STUM: variants seen among roughly 807,000 people sequenced by gnomAD.
STUM encodes the protein stum, mechanosensory transduction mediator homolog.
STUM carries 8 observed loss-of-function variants against 15.3 expected under a neutral mutation model. The observed-to-expected ratio is 0.52, with a 90% CI of 0.31 to 0.94. The LOEUF is 0.94. STUM is among the 40% of genes least tolerant of loss of function. The pLI is 0.05. For synonymous variants in STUM, 78 were observed against 88.7 expected, an observed-to-expected ratio of 0.88 and a Z score of 0.68; for missense variants, 142 against 204.9, an observed-to-expected ratio of 0.69 and a Z score of 1.87.
Position 226,565,710 on chromosome 1 carries a change from C to G in STUM, c.202+16604C>G, listed in dbSNP as rs568708330. The stretch of plus-strand genomic sequence containing the variant: ...CCTGCCTGGGTAGTTCTGCATACCC[C>G]CCATCCTCCCGTCTCTCGCCCACGC... On this transcript the variant is annotated intron_variant, in intron 1 of 3. Transcript: ENST00000366788. The surrounding 1 kb of genome is among the most constrained non-coding windows in gnomAD (Gnocchi z 4.4). Among the ~76,000 whole-genome samples the G allele has an allele frequency of 4.1e-4, 63 of 152,236 alleles. No individual in the cohort carries two copies. Among genetic ancestry groups the G allele is most frequent in the Non-Finnish European group, 7.1e-4 (48 of 68,002 alleles).
intron 1 of STUM, among the ~76,000 whole-genome samples, chr1:226,584,328 T>C (rs1667963931): frequency 6.6e-6 from 1 of 152,194 alleles, no homozygotes; most frequent in Non-Finnish European, 1.5e-5. Flanking sequence ...AGTATGCAGC[T>C]GAAGATGCAG....
rs147856644 is a variant in STUM at position 226,588,273 on chromosome 1, G to T, written c.203-8529G>T. The stretch of plus-strand genomic sequence containing the variant: ...GAAGACACAGCCCCTCCGCAGACCT[G>T]CTCAGCTTCGAACCCTGCGCTGATA... On this transcript the variant is annotated intron_variant, in intron 1 of 3. Coordinates refer to ENST00000366788, the MANE Select transcript of STUM (RefSeq NM_001003665.4). Among the ~76,000 whole-genome samples, 587 of 152,288 alleles carry T rather than the reference G, an allele frequency of 3.9e-3. 4 individuals are homozygous for T. The highest frequency in any genetic ancestry group is 0.01 in the Middle Eastern group (3 of 294).
chr1:226,587,403 T>C (rs962201179), intron 1 of STUM, among the ~76,000 whole-genome samples: 1 of 151,944 alleles, frequency 6.6e-6, no homozygotes, highest in African/African-American at 2.4e-5. Flanking sequence ...TTTATGCCAG[T>C]TGGAAAATCA....
intron 1 of STUM, among the ~76,000 whole-genome samples, chr1:226,575,193 T>C (rs1334210002): frequency 6.6e-6 from 1 of 152,196 alleles, no homozygotes; most frequent in African/African-American, 2.4e-5. Context: ...TGACCACTGC[T>C]CTGCACCTCA....
At chr1:226,597,091 G>T (rs1487486179) in intron 2 of STUM, 110 bp downstream of exon 2, 6 of 1,080,862 alleles carry the variant, frequency 5.6e-6, no homozygotes, top group Non-Finnish European at 8.5e-6. Flanking sequence ...GCTAAGCACG[G>T]GCTCTGGAGA....
chr1:226,587,007 T>G (rs1007516856), intron 1 of STUM, among the ~76,000 whole-genome samples: 1 of 152,176 alleles, frequency 6.6e-6, no homozygotes, highest in Non-Finnish European at 1.5e-5. Context: ...GTTAGGGAAC[T>G]GAGAAATTCC....
rs569278591 is a variant in STUM at position 226,551,217 on chromosome 1, G to A, written c.202+2111G>A. The stretch of plus-strand genomic sequence containing the variant: ...AAGTCAGGCACACCTGTCTCTTGGC[G>A]TTGCTGAGAGGATGAAACGTGATTA... On this transcript the variant is annotated intron_variant, in intron 1 of 3. Transcript: ENST00000366788. 1.1e-4 allele frequency among the ~76,000 whole-genome samples: 16 copies of A among 152,248 alleles called. No individual in the cohort carries two copies. The South Asian group carries it at 2.5e-3, about 24-fold the overall frequency.
rs779822024 is a variant in STUM, at chr1:226,602,016, G to A, written c.402G>A (p.Glu134=). Residue 134 remains glutamate (E), a synonymous_variant, in exon 4 of 4, where the codon GAG becomes GAA. Transcript: ENST00000366788. ...GCTTCTTCCTCACAGGCTACAAGGA[G>A]CAGGGCATCCCACAGCAGCTGTGAG... The part of the protein sequence containing the change: ...VILAISQGYK[E]QGIPQQL 1.9e-6 allele frequency: 3 copies of A among 1,609,208 alleles called. No homozygotes were observed. The highest frequency in any genetic ancestry group is 2.5e-6 in the Non-Finnish European group (3 of 1,179,884).
intron 1 of STUM, among the ~76,000 whole-genome samples, chr1:226,574,800 G>A (rs1225461845): frequency 3.3e-5 from 5 of 152,144 alleles, no homozygotes; most frequent in Non-Finnish European, 7.4e-5. Flanking sequence ...TCTCAGAGTG[G>A]AGACAGCTTT....
At chr1:226,560,095 C>T (rs550695256) in intron 1 of STUM, among the ~76,000 whole-genome samples, 6 of 152,268 alleles carry the variant, frequency 3.9e-5, no homozygotes, top group African/African-American at 7.2e-5. Flanking sequence ...GCTGAGATCA[C>T]GCCACCACAC....
chr1:226,571,030 A>C (rs1365805358), intron 1 of STUM, among the ~76,000 whole-genome samples: 3 of 152,152 alleles, frequency 2.0e-5, no homozygotes, highest in Non-Finnish European at 2.9e-5. Context: ...AAGGAGTTTG[A>C]GACCAGCCTG....
intron 2 of STUM, among the ~76,000 whole-genome samples, chr1:226,598,348 C>T (rs988246571): frequency 2.0e-5 from 3 of 152,140 alleles, no homozygotes; most frequent in Non-Finnish European, 2.9e-5. Flanking sequence ...CAAGATGAGC[C>T]CCTCTTACTG....
Position 226,604,735 on chromosome 1 carries a change from G to A in STUM, c.*2695G>A. The A allele has an allele frequency of 6.6e-6, 1 of 152,366 alleles. No individual in the cohort carries two copies. 9.4% of individuals were successfully genotyped at this position (152,366 alleles called of 1,614,324 possible). ...ACACAGCCCTTTGGTGACAAAGCTG[G>A]GCTTTGCCTGCATAGTGCAGACAAG... On this transcript the variant is annotated 3_prime_UTR_variant, in exon 4 of 4. Transcript: ENST00000366788. The surrounding 1 kb of genome is among the most constrained non-coding windows in gnomAD (Gnocchi z 4.7).
In STUM at chr1:226,548,806, G is replaced by C. The variant is rs1000959955; in HGVS notation, c.-99G>C. The stretch of plus-strand genomic sequence containing the variant: ...CGGAGCACGGCGGCCGCCTGAGCTC[G>C]GCGCGGAGCCCGGAGCCCGCAGCCG... On this transcript the variant is annotated 5_prime_UTR_variant, in exon 1 of 4. Transcript: ENST00000366788. 6 of 1,040,678 alleles carry C rather than the reference G, an allele frequency of 5.8e-6. No individual in the cohort carries two copies. The highest frequency in any genetic ancestry group is 4.4e-5 in the South Asian group (1 of 22,738). 64.5% of individuals were successfully genotyped at this position (1,040,678 alleles called of 1,614,324 possible). A position where few individuals can be genotyped will look rare whatever the true frequency, so the allele number is the denominator to read the frequency against.
At chr1:226,556,768 A>T (rs1363239778) in intron 1 of STUM, among the ~76,000 whole-genome samples, 1 of 152,178 alleles carries the variant, frequency 6.6e-6, no homozygotes, top group Non-Finnish European at 1.5e-5. Context: ...ATGCCCTGTT[A>T]ACTGTAAAGC....
rs1006150285 is a variant in STUM at position 226,567,926 on chromosome 1, C to T, written c.202+18820C>T. 9.2e-5 allele frequency among the ~76,000 whole-genome samples: 14 copies of T among 152,268 alleles called. No homozygotes were observed. The East Asian group carries it at 1.4e-3, about 15-fold the overall frequency. On this transcript the variant is annotated intron_variant, in intron 1 of 3. Coordinates refer to ENST00000366788, the MANE Select transcript of STUM (RefSeq NM_001003665.4). The surrounding 1 kb of genome is among the most constrained non-coding windows in gnomAD (Gnocchi z 4.5). ...TGTCAGAAATGCGAACAGGGCACCC[C>T]GAGGAGGAGGTACCAGACTACCTGT...
intron 1 of STUM, among the ~76,000 whole-genome samples, chr1:226,588,133 G>A (rs972405489): frequency 2.0e-5 from 3 of 152,178 alleles, no homozygotes; most frequent in African/African-American, 7.2e-5. Flanking sequence ...ATTCCAGATC[G>A]GTTTTATGTT....
chr1:226,549,322 G>C lies in STUM; in HGVS notation c.202+216G>C, dbSNP rs1372560557. On this transcript the variant is annotated intron_variant, in intron 1 of 3. Transcript: ENST00000366788. The surrounding 1 kb of genome is among the most constrained non-coding windows in gnomAD (Gnocchi z 6.8). ...GAGGCTGCGCTGGGGTCTCCGACCC[G>C]CAGGCGGGGCCCCAAAGAGCCGGAA... Among the ~76,000 whole-genome samples, 1 of 152,180 alleles carries C rather than the reference G, an allele frequency of 6.6e-6. No homozygotes were observed. Among genetic ancestry groups the C allele is most frequent in the African/African-American group, 2.4e-5 (1 of 41,456 alleles).
rs889709906 is a variant in STUM at position 226,548,995 on chromosome 1, G to A, written c.91G>A (p.Val31Met). Reference sequence around the variant, plus strand: ...CCGGGGGGCGTCCTCGTCCAGCGGGGTGGTGGTGCAGGTCCGCGAGAAGAA... The same window carrying A: ...CCGGGGGGCGTCCTCGTCCAGCGGGATGGTGGTGCAGGTCCGCGAGAAGAA... Reference protein sequence around the residue: ...DPRGASSSSGVVVQVREKKGP... With the variant: ...DPRGASSSSGMVVQVREKKGP... Residue 31 changes from valine (V) to methionine (M), a missense_variant, in exon 1 of 4, where the codon GTG becomes ATG. By Grantham distance (21) the Val-to-Met change is conservative. Coordinates refer to ENST00000366788, the MANE Select transcript of STUM (RefSeq NM_001003665.4). 1.9e-6 allele frequency: 3 copies of A among 1,555,520 alleles called. No individual in the cohort carries two copies. Among genetic ancestry groups the A allele is most frequent in the South Asian group, 2.4e-5 (2 of 84,358 alleles).
Sources: allele counts gnomAD v4.1 joint callset (sites outside exome capture counted in the v4.1 genomes callset), GRCh38; gene constraint gnomAD v4.1.1; non-coding constraint Gnocchi (gnomAD v3.1); transcripts MANE v1.5; gene names NCBI Gene and HGNC (gene_info 2026-07-23, HGNC 2026-07-21).